GPM6A: variants seen among roughly 807,000 people sequenced by gnomAD.
The protein encoded by GPM6A is glycoprotein M6A.
A neutral mutation model predicts 32.1 loss-of-function variants in GPM6A; 7 were observed. That is an observed-to-expected ratio of 0.22 (90% CI 0.12 to 0.41). The LOEUF (loss-of-function observed/expected upper bound fraction) is 0.41. Among genes scored for constraint, GPM6A ranks in the 10% least tolerant of loss-of-function variants. The probability of loss-of-function intolerance (pLI) is 1.00; values close to 1 mark genes in which losing one functional copy is unlikely to be tolerated. For synonymous variants in GPM6A, 130 were observed against 123.4 expected, an observed-to-expected ratio of 1.05 and a Z score of -0.35; for missense variants, 235 against 347.2, an observed-to-expected ratio of 0.68 and a Z score of 2.57.
At chr4:175,933,476 C>G (rs1432344420) in intron 1 of GPM6A, among the ~76,000 whole-genome samples, 1 of 152,164 alleles carries the variant, frequency 6.6e-6, no homozygotes, top group Non-Finnish European at 1.5e-5. Context: ...ATATGATTAG[C>G]AGTTACACTC....
chr4:175,857,484 A>C (rs1736450872), intron 1 of GPM6A, among the ~76,000 whole-genome samples: 2 of 152,318 alleles, frequency 1.3e-5, no homozygotes, highest in Non-Finnish European at 2.9e-5. Flanking sequence ...TATAAAATGC[A>C]AGCATAAAAA....
intron 1 of GPM6A, among the ~76,000 whole-genome samples, chr4:175,736,058 C>T (rs918434056): frequency 2.0e-5 from 3 of 152,146 alleles, no homozygotes; most frequent in Non-Finnish European, 1.5e-5. Flanking sequence ...CAGGATCTCA[C>T]TCTATTGCCC....
chr4:175,785,122 AC>A, intron 1 of GPM6A, among the ~76,000 whole-genome samples: 1 of 152,084 alleles, frequency 6.6e-6, no homozygotes, highest in South Asian at 2.1e-4. Context: ...ATCATAAGAA[AC>A]CTTGCGACTG....
chr4:175,792,770 G>T (rs1734061842), intron 1 of GPM6A, among the ~76,000 whole-genome samples: 1 of 152,136 alleles, frequency 6.6e-6, no homozygotes, highest in Admixed American at 6.6e-5. Context: ...TGAAATTAAA[G>T]ACAGAAATAC....
At chr4:175,673,572 G>T in intron 3 of GPM6A, 108 bp downstream of exon 3, 3 of 681,252 alleles carry the variant, frequency 4.4e-6, no homozygotes, top group Non-Finnish European at 7.2e-6. Context: ...AGAAGGAAAC[G>T]TTACTGTGTG....
intron 1 of GPM6A, among the ~76,000 whole-genome samples, chr4:175,755,519 T>C (rs890899577): frequency 6.6e-6 from 1 of 152,168 alleles, no homozygotes. Context: ...GTATCTGAAA[T>C]GTTTATTTAT....
chr4:175,758,387 T>A (rs764232286), intron 1 of GPM6A, among the ~76,000 whole-genome samples: 6 of 152,094 alleles, frequency 3.9e-5, no homozygotes, highest in Non-Finnish European at 8.8e-5. Flanking sequence ...TTTTAAGACA[T>A]CAATAAGGAA....
At chr4:175,776,799 A>G (rs114647967) in intron 1 of GPM6A, among the ~76,000 whole-genome samples, 10,454 of 152,248 alleles carry the variant, frequency 0.069, 395 homozygotes, top group Non-Finnish European at 0.079. Flanking sequence ...AGGAAGAGGT[A>G]TATAAAATAA....
At chr4:175,914,064 G>A (rs1189038982) in intron 1 of GPM6A, among the ~76,000 whole-genome samples, 1 of 151,986 alleles carries the variant, frequency 6.6e-6, no homozygotes, top group Non-Finnish European at 1.5e-5. Context: ...CATAGGATTT[G>A]TGCCCCACAT....
intron 3 of GPM6A, 138 bp from the exon 4 acceptor site, chr4:175,652,125 C>T: frequency 1.8e-6 from 1 of 565,606 alleles, no homozygotes; most frequent in South Asian, 2.6e-5. Context: ...TGTTGATTTG[C>T]AGCACAGAAG....
intron 1 of GPM6A, among the ~76,000 whole-genome samples, chr4:175,725,065 C>T (rs1746333847): frequency 6.6e-6 from 1 of 152,142 alleles, no homozygotes; most frequent in Non-Finnish European, 1.5e-5. Flanking sequence ...GATTACTCTA[C>T]AAATTGCATC....
intron 1 of GPM6A, chr4:175,787,573 A>C: frequency 2.9e-6 from 4 of 1,370,518 alleles, no homozygotes; most frequent in Non-Finnish European, 3.8e-6. Flanking sequence ...TTGATGATTT[A>C]CAAGTACAGA....
chr4:175,665,701 G>A (rs1742712665), intron 3 of GPM6A, among the ~76,000 whole-genome samples: 1 of 151,312 alleles, frequency 6.6e-6, no homozygotes. Flanking sequence ...AGAATCGTTT[G>A]AACCCAGGAG....
chr4:175,949,543 C>G (rs983610120), intron 1 of GPM6A, among the ~76,000 whole-genome samples: 1 of 151,358 alleles, frequency 6.6e-6, no homozygotes. Flanking sequence ...TTATGTAAAA[C>G]AAATATGAGT....
intron 1 of GPM6A, among the ~76,000 whole-genome samples, chr4:175,830,463 G>A (rs569302793): frequency 2.0e-5 from 3 of 152,072 alleles, no homozygotes; most frequent in Admixed American, 6.5e-5. Context: ...TTTATGCACC[G>A]GACACTGTTC....
At chr4:175,991,020 C>T (rs910592771) in intron 1 of GPM6A, among the ~76,000 whole-genome samples, 1 of 151,698 alleles carries the variant, frequency 6.6e-6, no homozygotes, top group African/African-American at 2.4e-5. Flanking sequence ...ATACAATTAA[C>T]AAATAAAATT....
At chr4:175,920,677 G>C (rs908378809) in intron 1 of GPM6A, among the ~76,000 whole-genome samples, 1 of 151,932 alleles carries the variant, frequency 6.6e-6, no homozygotes, top group Non-Finnish European at 1.5e-5. Flanking sequence ...ATGAAACCCC[G>C]TCTTTACTAA....
intron 1 of GPM6A, among the ~76,000 whole-genome samples, chr4:175,925,649 T>C (rs981038790): frequency 5.3e-5 from 8 of 152,116 alleles, no homozygotes; most frequent in African/African-American, 7.2e-5. Context: ...TAGTATAGCT[T>C]TGGAATAAAA....
intron 1 of GPM6A, among the ~76,000 whole-genome samples, chr4:175,821,890 G>T (rs1052963279): frequency 6.6e-5 from 10 of 152,018 alleles, no homozygotes; most frequent in African/African-American, 2.4e-4. Flanking sequence ...AAACAAATAT[G>T]AGTCTAACTG....
Sources: allele counts gnomAD v4.1 joint callset (sites outside exome capture counted in the v4.1 genomes callset), GRCh38; gene constraint gnomAD v4.1.1; transcripts MANE v1.5; gene names NCBI Gene and HGNC (gene_info 2026-07-23, HGNC 2026-07-21).